CSGALNACT1: variants seen among roughly 807,000 people sequenced by gnomAD.
CSGALNACT1 encodes chondroitin sulfate N-acetylgalactosaminyltransferase 1.
Under a neutral mutation model 51.0 loss-of-function variants are expected in CSGALNACT1, and 52 were observed. The observed-to-expected ratio is 1.02, with a 90% CI of 0.82 to 1.29. The LOEUF is 1.29. Among genes scored for constraint, CSGALNACT1 ranks in the 50% most tolerant of loss-of-function variants. The pLI, the probability that CSGALNACT1 is intolerant of heterozygous loss-of-function variation, is 0.00. For missense variants in CSGALNACT1, 935 were observed against 679.2 expected, an observed-to-expected ratio of 1.38 and a Z score of -4.19; for synonymous variants, 341 against 254.4, an observed-to-expected ratio of 1.34 and a Z score of -3.24.
At chr8:19,553,059 T>C (rs1025062343) in intron 3 of CSGALNACT1, among the ~76,000 whole-genome samples, 13 of 152,296 alleles carry the variant, frequency 8.5e-5, no homozygotes, top group South Asian at 6.2e-4. Flanking sequence ...TAAAGAAATA[T>C]AGTTTTGTGC....
At chr8:19,452,065 C>T (rs761248050) in intron 5 of CSGALNACT1, among the ~76,000 whole-genome samples, 1 of 152,166 alleles carries the variant, frequency 6.6e-6, no homozygotes, top group Non-Finnish European at 1.5e-5. Context: ...ACAATTTTGC[C>T]ACCAATAAAT....
At position 19,676,090 on chromosome 8, in the gene CSGALNACT1, ACAAAACAAAAC is replaced by A. The variant is rs749207067; in HGVS notation, c.-544+6372_-544+6382del. ...GGATGGTGGTTGTCTGATTTAAAAA[ACAAAACAAAAC>A]AAAAAAAACTCCCAGATTACAAAAG... On this transcript the variant is annotated intron_variant, in intron 1 of 9. Coordinates refer to the CSGALNACT1 transcript ENST00000332246. 2.8e-4 allele frequency among the ~76,000 whole-genome samples: 41 copies of A among 146,868 alleles called. 2 individuals are homozygous for A. In the South Asian group the frequency reaches 3.7e-3, roughly 13 times the overall value.
At chr8:19,521,385 A>G (rs1012699150) in intron 3 of CSGALNACT1, among the ~76,000 whole-genome samples, 14 of 152,344 alleles carry the variant, frequency 9.2e-5, no homozygotes, top group Non-Finnish European at 1.5e-5. Flanking sequence ...GCTATCCATC[A>G]AGAGTAGGGC....
chr8:19,470,982 G>C (rs768847744), intron 4 of CSGALNACT1, among the ~76,000 whole-genome samples: 1 of 152,070 alleles, frequency 6.6e-6, no homozygotes, highest in Non-Finnish European at 1.5e-5. Context: ...CATCATCCCA[G>C]CTACTTGGGA....
chr8:19,708,039 C>T (rs1357945283), intron 1 of CSGALNACT1, among the ~76,000 whole-genome samples: 1 of 151,932 alleles, frequency 6.6e-6, no homozygotes, highest in Non-Finnish European at 1.5e-5. Context: ...ATATAAACAA[C>T]AAAAAAACAC....
At chr8:19,660,435 G>A (rs1031373326) in intron 1 of CSGALNACT1, among the ~76,000 whole-genome samples, 4 of 152,150 alleles carry the variant, frequency 2.6e-5, no homozygotes, top group Admixed American at 2.6e-4. Flanking sequence ...GCAGAAATAA[G>A]ACTCAACCCT....
intron 4 of CSGALNACT1, among the ~76,000 whole-genome samples, chr8:19,464,971 C>T (rs1426581792): frequency 6.6e-6 from 1 of 152,236 alleles, no homozygotes; most frequent in East Asian, 1.9e-4. Flanking sequence ...CCATATGATT[C>T]AGCAATTCTA....
intron 1 of CSGALNACT1, among the ~76,000 whole-genome samples, chr8:19,607,593 T>G (rs1401240471): frequency 1.3e-5 from 2 of 152,212 alleles, no homozygotes; most frequent in African/African-American, 4.8e-5. Context: ...CTGCCCTTAT[T>G]AGACACTACA....
chr8:19,565,746 C>G (rs931422136), intron 3 of CSGALNACT1, among the ~76,000 whole-genome samples: 1 of 152,184 alleles, frequency 6.6e-6, no homozygotes, highest in Non-Finnish European at 1.5e-5. Flanking sequence ...CGGTGAAACG[C>G]TGTCTCTACT....
chr8:19,500,756 G>A (rs965749896), intron 4 of CSGALNACT1, among the ~76,000 whole-genome samples: 6 of 152,180 alleles, frequency 3.9e-5, no homozygotes, highest in African/African-American at 7.2e-5. Flanking sequence ...GCTTTAAAAC[G>A]TATCTCAAGG....
intron 6 of CSGALNACT1, among the ~76,000 whole-genome samples, chr8:19,422,583 TG>T (rs564957110): frequency 1.3e-5 from 2 of 152,236 alleles, no homozygotes; most frequent in Admixed American, 6.5e-5. Flanking sequence ...GTCTTTTCTC[TG>T]GGGGGGTGCC....
At chr8:19,405,084 C>T (rs2053885803) in exon 10 of CSGALNACT1, 2 of 453,596 alleles carry the variant, frequency 4.4e-6, no homozygotes, top group Non-Finnish European at 4.4e-6. Flanking sequence ...CCAACTTGTG[C>T]TCTCTTGTAA....
chr8:19,420,201 G>A (rs1221502778), intron 7 of CSGALNACT1, 139 bp downstream of exon 6: 11 of 786,020 alleles, frequency 1.4e-5, no homozygotes, highest in Non-Finnish European at 2.4e-5. Context: ...AATACAGATG[G>A]TTTTCCTTTT....
At chr8:19,482,873 C>T (rs916338222) in intron 4 of CSGALNACT1, among the ~76,000 whole-genome samples, 7 of 152,160 alleles carry the variant, frequency 4.6e-5, no homozygotes, top group Non-Finnish European at 1.0e-4. Flanking sequence ...CCAGAGACAG[C>T]TCAAAGTCAC....
At chr8:19,512,335 T>G (rs929439646) in intron 3 of CSGALNACT1, among the ~76,000 whole-genome samples, 17 of 152,328 alleles carry the variant, frequency 1.1e-4, no homozygotes, top group Admixed American at 6.5e-4. Flanking sequence ...CTGAGATGAC[T>G]GCAACCAGAG....
intron 1 of CSGALNACT1, among the ~76,000 whole-genome samples, chr8:19,682,019 A>T (rs1275535449): frequency 6.6e-6 from 1 of 152,174 alleles, no homozygotes; most frequent in Non-Finnish European, 1.5e-5. Flanking sequence ...CAGACTTGGG[A>T]CCTGTGGCCA....
At chr8:19,636,361 A>T (rs2056065172) in intron 1 of CSGALNACT1, among the ~76,000 whole-genome samples, 1 of 152,166 alleles carries the variant, frequency 6.6e-6, no homozygotes, top group Non-Finnish European at 1.5e-5. Context: ...AGGGTTTGGG[A>T]CTATCTGTGG....
At chr8:19,699,151 C>T (rs1324334464) in intron 1 of CSGALNACT1, among the ~76,000 whole-genome samples, 1 of 152,206 alleles carries the variant, frequency 6.6e-6, no homozygotes, top group Non-Finnish European at 1.5e-5. Context: ...GGACTACAGG[C>T]ATGAGCCACC....
At chr8:19,654,695 C>T (rs993026208) in intron 1 of CSGALNACT1, among the ~76,000 whole-genome samples, 6 of 152,044 alleles carry the variant, frequency 3.9e-5, no homozygotes, top group Admixed American at 3.3e-4. Context: ...CAGGCATGCA[C>T]CACACGCCCA....
Sources: allele counts gnomAD v4.1 joint callset (sites outside exome capture counted in the v4.1 genomes callset), GRCh38; gene constraint gnomAD v4.1.1; transcripts MANE v1.5; gene names NCBI Gene and HGNC (gene_info 2026-07-23, HGNC 2026-07-21).